GOLGA8B: variants seen among roughly 807,000 people sequenced by gnomAD.
GOLGA8B encodes the protein golgin A8 family member B, also known as golgin subfamily A member 8B.
GOLGA8B carries 1 observed loss-of-function variant against 15.6 expected under a neutral mutation model. The observed-to-expected ratio is 0.06, with a 90% confidence interval of 0.02 to 0.30. The LOEUF (loss-of-function observed/expected upper bound fraction) is 0.30. Ranked by LOEUF, GOLGA8B falls within the 10% of genes least tolerant of loss-of-function variation. The pLI is 1.00. For synonymous variants in GOLGA8B, 9 were observed against 80.3 expected, an observed-to-expected ratio of 0.11 and a Z score of 4.75; for missense variants, 17 against 201.3, an observed-to-expected ratio of 0.08 and a Z score of 5.54.
At chr15:34,539,397 G>T (rs1294999916) in intron 7 of GOLGA8B, among the ~76,000 whole-genome samples, 2 of 91,530 alleles carry the variant, frequency 2.2e-5, no homozygotes, top group African/African-American at 7.2e-5. Context: ...AGAAGATGAG[G>T]CCAGAACACG....
intron 1 of GOLGA8B, among the ~76,000 whole-genome samples, chr15:34,573,986 C>A (rs368495572): frequency 3.2e-4 from 48 of 151,924 alleles, no homozygotes; most frequent in African/African-American, 9.4e-4. Flanking sequence ...GAAACAAGTG[C>A]ACATAAATAA....
At chr15:34,582,723 G>A (rs1433975079) in intron 1 of GOLGA8B, 2 of 152,428 alleles carry the variant, frequency 1.3e-5, no homozygotes, top group African/African-American at 4.8e-5. Context: ...CCCGGGGAAA[G>A]GAAGTTCACC....
At chr15:34,579,052 C>T (rs1042219918) in intron 1 of GOLGA8B, among the ~76,000 whole-genome samples, 2 of 152,046 alleles carry the variant, frequency 1.3e-5, no homozygotes, top group Admixed American at 6.5e-5. Context: ...TATCGCATCT[C>T]GTCTGTGCCT....
Position 34,528,379 on chromosome 15 carries a change from ATC to A in GOLGA8B, c.1343_1344del (p.Arg448MetfsTer38). The A allele has an allele frequency of 5.2e-6, 1 of 190,860 alleles. No individual in the cohort carries two copies. Among genetic ancestry groups the A allele is most frequent in the Non-Finnish European group, 8.9e-6 (1 of 112,118 alleles). 11.8% of individuals were successfully genotyped at this position (190,860 alleles called of 1,614,324 possible). On this transcript the variant is annotated frameshift_variant, in exon 21 of 24. Coordinates refer to ENST00000683415, the MANE Select transcript of GOLGA8B (RefSeq NM_001023567.5). LOFTEE classifies it high-confidence loss of function. ...CCCTGGCCTCCCACTCACTGATGGC[ATC>A]TCTCTCTCCGGTACTGGATGAATCC... ...ELGFIQYRRE[R>X]CHQKVHRLLT...
intron 1 of GOLGA8B, among the ~76,000 whole-genome samples, chr15:34,583,232 G>A (rs993006704): frequency 6.6e-5 from 10 of 151,822 alleles, no homozygotes; most frequent in Admixed American, 5.2e-4. Context: ...TCACCGCGGT[G>A]AGCCCCTCCC....
rs1213091026 is a variant in GOLGA8B, at chr15:34,528,153, C to CA, written c.1453+35_1453+36insT. ...TGCCCACCCCACCCACACCCCCACC[C>CA]CACCCCCACCCCCACAGGGATGTTG... On this transcript the variant is annotated intron_variant, in intron 22 of 23. Coordinates refer to ENST00000683415, the MANE Select transcript of GOLGA8B (RefSeq NM_001023567.5). 77 of 24,954 alleles carry CA rather than the reference C, an allele frequency of 3.1e-3. 3 individuals are homozygous for CA. The highest frequency in any genetic ancestry group is 0.014 in the Middle Eastern group (1 of 74). The allele number at this position is 24,954 out of a possible 1,614,324, so 1.5% of individuals were successfully genotyped here. A position where few individuals can be genotyped will look rare whatever the true frequency, so the allele number is the denominator to read the frequency against.
At chr15:34,569,448 C>G (rs1337797845) in intron 1 of GOLGA8B, among the ~76,000 whole-genome samples, 1 of 151,852 alleles carries the variant, frequency 6.6e-6, no homozygotes, top group Non-Finnish European at 1.5e-5. Flanking sequence ...CGCCACTCCC[C>G]TGCCCTACCA....
At chr15:34,569,974 G>T (rs1888867972) in intron 1 of GOLGA8B, among the ~76,000 whole-genome samples, 1 of 152,186 alleles carries the variant, frequency 6.6e-6, no homozygotes, top group Non-Finnish European at 1.5e-5. Flanking sequence ...CAGGGTGGGG[G>T]CTCCCCTCAA....
chr15:34,575,391 G>T (rs1208823232), intron 1 of GOLGA8B, among the ~76,000 whole-genome samples: 1 of 151,356 alleles, frequency 6.6e-6, no homozygotes, highest in Admixed American at 6.6e-5. Flanking sequence ...CCCATGCTCT[G>T]AACTGTCCAC....
At chr15:34,565,673 TTCTTTC>T (rs1206862981) in intron 1 of GOLGA8B, among the ~76,000 whole-genome samples, 45 of 1,408 alleles carry the variant, frequency 0.032, 2 homozygotes, top group African/African-American at 0.15. Context: ...CTTTCTTTCT[TTCTTTC>T]TTTTTTTTCT....
At chr15:34,570,116 C>T (rs1373652218) in intron 1 of GOLGA8B, among the ~76,000 whole-genome samples, 1 of 152,180 alleles carries the variant, frequency 6.6e-6, no homozygotes, top group African/African-American at 2.4e-5. Context: ...AACCAGGGGG[C>T]CACCACCACT....
At chr15:34,579,858 A>G (rs1889183572) in intron 1 of GOLGA8B, among the ~76,000 whole-genome samples, 1 of 152,268 alleles carries the variant, frequency 6.6e-6, no homozygotes, top group African/African-American at 2.4e-5. Flanking sequence ...CTGGGGATCC[A>G]GAGGTGAACA....
At chr15:34,572,271 C>A (rs1421603385) in intron 1 of GOLGA8B, among the ~76,000 whole-genome samples, 1 of 152,224 alleles carries the variant, frequency 6.6e-6, no homozygotes, top group Admixed American at 6.5e-5. Context: ...TGTTGACACT[C>A]TGAATGCCCA....
At chr15:34,574,156 C>G (rs1468171846) in intron 1 of GOLGA8B, among the ~76,000 whole-genome samples, 1 of 152,122 alleles carries the variant, frequency 6.6e-6, no homozygotes, top group Non-Finnish European at 1.5e-5. Context: ...CTCTGAAATT[C>G]AGGTTTGGGA....
intron 1 of GOLGA8B, among the ~76,000 whole-genome samples, chr15:34,579,913 A>G (rs2140357918): frequency 6.6e-6 from 1 of 152,376 alleles, no homozygotes; most frequent in South Asian, 2.1e-4. Flanking sequence ...ATAAACAAAC[A>G]AGTACATAAA....
At chr15:34,553,995 A>T (rs1030295818) in intron 1 of GOLGA8B, 39 bp from the exon 2 acceptor site, 2 of 104,302 alleles carry the variant, frequency 1.9e-5, no homozygotes, top group African/African-American at 7.6e-5. Context: ...CCATTCAGAA[A>T]GGTTTCACAT....
chr15:34,577,730 C>G (rs1288282170), intron 1 of GOLGA8B, among the ~76,000 whole-genome samples: 1 of 152,112 alleles, frequency 6.6e-6, no homozygotes, highest in East Asian at 1.9e-4. Flanking sequence ...TGTTACTGTG[C>G]TGAAGGTGTG....
At chr15:34,566,481 A>G (rs1888761205) in intron 1 of GOLGA8B, 1 of 142,212 alleles carries the variant, frequency 7.0e-6, no homozygotes, top group Non-Finnish European at 1.6e-5. Flanking sequence ...AGCCTGGGGT[A>G]TCACAAAGAG....
At chr15:34,556,976 T>C (rs1888505294) in intron 1 of GOLGA8B, among the ~76,000 whole-genome samples, 1 of 148,112 alleles carries the variant, frequency 6.8e-6, no homozygotes, top group African/African-American at 2.6e-5. Flanking sequence ...TTGGGAGACA[T>C]GTTGCGTGGA....
Sources: allele counts gnomAD v4.1 joint callset (sites outside exome capture counted in the v4.1 genomes callset), GRCh38; gene constraint gnomAD v4.1.1; transcripts MANE v1.5; gene names NCBI Gene and HGNC (gene_info 2026-07-23, HGNC 2026-07-21).